FRAS1: variants seen among roughly 807,000 people sequenced by gnomAD.
FRAS1 encodes Fraser extracellular matrix complex subunit 1.
Under a neutral mutation model 435.2 loss-of-function variants are expected in FRAS1, and 290 were observed. That is an observed-to-expected ratio of 0.67 (90% CI 0.61 to 0.73). The LOEUF is 0.73. Among genes scored for constraint, FRAS1 ranks in the 30% least tolerant of loss-of-function variants. FRAS1 has a pLI of 0.00. For missense variants in FRAS1, 4,860 were observed against 5,001.5 expected, an observed-to-expected ratio of 0.97 and a Z score of 0.85; for synonymous variants, 1,800 against 1,851.0, an observed-to-expected ratio of 0.97 and a Z score of 0.71.
intron 55 of FRAS1, among the ~76,000 whole-genome samples, chr4:78,478,293 AT>A (rs1017991683): frequency 1.1e-4 from 17 of 152,210 alleles, no homozygotes; most frequent in African/African-American, 4.1e-4. Context: ...TTACTCTTAA[AT>A]TGGACTAGAA....
chr4:78,496,109 G>A (rs1720501409), intron 59 of FRAS1, among the ~76,000 whole-genome samples: 1 of 152,130 alleles, frequency 6.6e-6, no homozygotes, highest in South Asian at 2.1e-4. Flanking sequence ...CTCTACTATT[G>A]AGGCTGCTGT....
At chr4:78,523,861 C>T (rs927939566) in intron 69 of FRAS1, among the ~76,000 whole-genome samples, 1 of 152,164 alleles carries the variant, frequency 6.6e-6, no homozygotes, top group Admixed American at 6.5e-5. Context: ...AAGGCCCAGC[C>T]TCCCCTCTGG....
At chr4:78,467,822 C>T (rs1349335902) in intron 50 of FRAS1, among the ~76,000 whole-genome samples, 9 of 152,132 alleles carry the variant, frequency 5.9e-5, no homozygotes, top group Admixed American at 1.3e-4. Flanking sequence ...CTCTGATGAT[C>T]AGTGATATTG....
chr4:78,060,454 A>C (rs912519779), intron 1 of FRAS1, among the ~76,000 whole-genome samples: 3 of 152,208 alleles, frequency 2.0e-5, no homozygotes, highest in Admixed American at 2.0e-4. Flanking sequence ...TTCTCAGTGC[A>C]CAGAGAGAAC....
intron 37 of FRAS1, 148 bp from the exon 38 acceptor site, chr4:78,432,209 C>A: frequency 1.6e-6 from 1 of 611,130 alleles, no homozygotes; most frequent in Non-Finnish European, 2.6e-6. Flanking sequence ...TAAAGGGAAT[C>A]CTATAGTAGG....
intron 32 of FRAS1, among the ~76,000 whole-genome samples, chr4:78,413,617 A>G (rs181695126): frequency 3.2e-4 from 48 of 152,376 alleles, no homozygotes; most frequent in African/African-American, 1.0e-3. Flanking sequence ...GGGCACTGCC[A>G]CAAGTGAAAA....
chr4:78,256,016 T>C (rs564317427), intron 6 of FRAS1, among the ~76,000 whole-genome samples: 14 of 152,354 alleles, frequency 9.2e-5, no homozygotes, highest in Admixed American at 3.9e-4. Flanking sequence ...CCATGGCAGT[T>C]GATAGGTAAC....
chr4:78,325,875 A>T (rs1729697772), intron 18 of FRAS1, among the ~76,000 whole-genome samples: 1 of 152,216 alleles, frequency 6.6e-6, no homozygotes, highest in South Asian at 2.1e-4. Flanking sequence ...ATGGGAGTTC[A>T]CCAGGTGAAG....
intron 29 of FRAS1, among the ~76,000 whole-genome samples, chr4:78,391,719 G>T (rs1461610194): frequency 6.6e-6 from 1 of 152,114 alleles, no homozygotes; most frequent in Non-Finnish European, 1.5e-5. Flanking sequence ...GTCATGCTAG[G>T]AACTGGATGG....
At chr4:78,370,896 A>G (rs1731476056) in intron 23 of FRAS1, among the ~76,000 whole-genome samples, 1 of 152,112 alleles carries the variant, frequency 6.6e-6, no homozygotes, top group African/African-American at 2.4e-5. Context: ...GACTCCTTCC[A>G]CATTTCTCTC....
intron 60 of FRAS1, among the ~76,000 whole-genome samples, chr4:78,498,838 A>ATT (rs1251457753): frequency 1.0e-4 from 13 of 128,996 alleles, no homozygotes; most frequent in African/African-American, 3.3e-4. Context: ...AAATCAATAT[A>ATT]TTATTTTATT....
In FRAS1 at chr4:78,452,195, A is replaced by G. The variant is rs540125346; in HGVS notation, c.6604A>G (p.Ile2202Val). 4.8e-5 allele frequency: 77 copies of G among 1,613,770 alleles called. No individual in the cohort carries two copies. The East Asian group carries it at 1.6e-3, about 33-fold the overall frequency. ...SILEDKSPPVITTNKGLVLDE... is the reference protein window; with the variant it reads ...SILEDKSPPVVTTNKGLVLDE... ...TTCAGAAGACAAATCCCCACCAGTC[A>G]TCACCACCAATAAAGGACTGGTCTT... Residue 2202 changes from isoleucine (I) to valine (V), a missense_variant, in exon 47 of 74, where the codon ATC becomes GTC. Physicochemically the swap from Ile to Val is conservative, Grantham distance 29. Transcript: ENST00000512123.
intron 19 of FRAS1, among the ~76,000 whole-genome samples, chr4:78,336,360 TG>T (rs1730170297): frequency 1.3e-5 from 2 of 152,180 alleles, no homozygotes; most frequent in South Asian, 4.1e-4. Flanking sequence ...AGCTGGTTTT[TG>T]TATGTATAAA....
chr4:78,134,214 T>C (rs1344079378), intron 2 of FRAS1, among the ~76,000 whole-genome samples: 1 of 152,160 alleles, frequency 6.6e-6, no homozygotes, highest in Non-Finnish European at 1.5e-5. Context: ...GAAGGCCAAC[T>C]CTGCTTCCTC....
chr4:78,371,187 T>A (rs1220384364), intron 23 of FRAS1, among the ~76,000 whole-genome samples: 3 of 151,300 alleles, frequency 2.0e-5, no homozygotes, highest in African/African-American at 7.3e-5. Flanking sequence ...ATTTCATAAC[T>A]GTGCTGGCAG....
At chr4:78,275,699 G>A (rs1726976549) in intron 9 of FRAS1, among the ~76,000 whole-genome samples, 3 of 152,164 alleles carry the variant, frequency 2.0e-5, no homozygotes, top group Non-Finnish European at 4.4e-5. Context: ...TAGTCTGATG[G>A]GCTTCCCTTT....
chr4:78,227,754 A>G (rs1168152085), intron 2 of FRAS1, among the ~76,000 whole-genome samples: 1 of 152,250 alleles, frequency 6.6e-6, no homozygotes, highest in Non-Finnish European at 1.5e-5. Flanking sequence ...CTGATGTATT[A>G]ATCTAGAAGG....
rs11098228 is a variant in FRAS1, at chr4:78,543,824, G to A, written c.*2700G>A. ...TCTCTGATTTGCTCACTAATGCCTT[G>A]TGTGTGTTTTACTAACCTTTTATAT... On this transcript the variant is annotated 3_prime_UTR_variant, in exon 74 of 74. Transcript: ENST00000512123. The A allele has an allele frequency of 0.62, 94,197 of 152,174 alleles. 29,324 individuals carry two copies. The highest frequency in any genetic ancestry group is 0.83 in the East Asian group (4,318 of 5,188). 9.4% of individuals were successfully genotyped at this position (152,174 alleles called of 1,614,324 possible).
intron 29 of FRAS1, among the ~76,000 whole-genome samples, chr4:78,394,703 A>T (rs77665885): frequency 2.0e-5 from 3 of 152,140 alleles, no homozygotes; most frequent in African/African-American, 7.2e-5. Context: ...TTGTGGTTCC[A>T]TATGAATTTT....
Sources: gnomAD v4.1 joint callset for allele counts (sites outside exome capture counted in the v4.1 genomes callset) on GRCh38, gnomAD v4.1.1 for gene constraint, MANE v1.5 for transcripts, NCBI Gene and HGNC (gene_info 2026-07-23, HGNC 2026-07-21) for gene names.